The following CLSTN2 variants were observed in gnomAD, a reference collection of about 807,000 sequenced individuals.
CLSTN2 encodes the protein calsyntenin 2.
A neutral mutation model predicts 101.2 loss-of-function variants in CLSTN2; 48 were observed. The ratio of observed to expected loss-of-function variants is 0.47; its 90% CI spans 0.38 to 0.60. The LOEUF is 0.60. Among genes scored for constraint, CLSTN2 ranks in the 20% least tolerant of loss-of-function variants. The pLI is 0.00. For synonymous variants in CLSTN2, 481 were observed against 463.6 expected, an observed-to-expected ratio of 1.04 and a Z score of -0.48; for missense variants, 1,160 against 1,238.2, an observed-to-expected ratio of 0.94 and a Z score of 0.95.
intron 8 of CLSTN2, among the ~76,000 whole-genome samples, chr3:140,482,918 A>G (rs1445991967): frequency 6.6e-6 from 1 of 152,100 alleles, no homozygotes; most frequent in Non-Finnish European, 1.5e-5. Context: ...GATTTTTTGA[A>G]GAGTCTTTTT....
chr3:140,056,318 GT>G (rs1364662543), intron 1 of CLSTN2, among the ~76,000 whole-genome samples: 6 of 152,196 alleles, frequency 3.9e-5, no homozygotes, highest in African/African-American at 1.4e-4. Context: ...CTGTTTGGAT[GT>G]CAAGGACTCT....
At chr3:140,113,095 G>C (rs938599573) in intron 1 of CLSTN2, among the ~76,000 whole-genome samples, 1 of 152,118 alleles carries the variant, frequency 6.6e-6, no homozygotes, top group African/African-American at 2.4e-5. Flanking sequence ...TTTTGAGCCA[G>C]TTGTTAAACT....
chr3:140,395,056 T>A (rs1474180675), intron 2 of CLSTN2, among the ~76,000 whole-genome samples: 1 of 152,150 alleles, frequency 6.6e-6, no homozygotes, highest in African/African-American at 2.4e-5. Flanking sequence ...CAACAAATAT[T>A]GCCAAAGAAT....
chr3:139,962,656 T>A (rs1021031426), intron 1 of CLSTN2, among the ~76,000 whole-genome samples: 3 of 152,194 alleles, frequency 2.0e-5, no homozygotes, highest in Admixed American at 2.0e-4. Context: ...GATTAAGAAT[T>A]TTCTTCTTTT....
intron 2 of CLSTN2, among the ~76,000 whole-genome samples, chr3:140,394,906 A>G (rs2088162854): frequency 6.6e-6 from 1 of 151,968 alleles, no homozygotes; most frequent in Non-Finnish European, 1.5e-5. Flanking sequence ...TTGTACTTGG[A>G]CTCCTTTAAT....
At chr3:140,299,876 G>C (rs999646730) in intron 2 of CLSTN2, among the ~76,000 whole-genome samples, 1 of 152,158 alleles carries the variant, frequency 6.6e-6, no homozygotes, top group Non-Finnish European at 1.5e-5. Context: ...CTTGCACGTT[G>C]GAGCTCTCAG....
chr3:140,266,787 C>T (rs376807197), intron 2 of CLSTN2, among the ~76,000 whole-genome samples: 1 of 152,250 alleles, frequency 6.6e-6, no homozygotes, highest in Admixed American at 6.5e-5. Context: ...AATAGAGACC[C>T]AAGCCGTGGG....
chr3:140,285,632 C>T (rs1351535662), intron 2 of CLSTN2, among the ~76,000 whole-genome samples: 2 of 152,174 alleles, frequency 1.3e-5, no homozygotes, highest in African/African-American at 4.8e-5. Context: ...GCCAATTGCC[C>T]TCCCTAGGGT....
intron 9 of CLSTN2, among the ~76,000 whole-genome samples, chr3:140,542,601 T>C (rs915500797): frequency 6.6e-6 from 1 of 152,176 alleles, no homozygotes; most frequent in Non-Finnish European, 1.5e-5. Context: ...TGAGTGCAAA[T>C]ATATTTCAAA....
At chr3:140,028,816 G>A (rs998867159) in intron 1 of CLSTN2, among the ~76,000 whole-genome samples, 3 of 152,140 alleles carry the variant, frequency 2.0e-5, no homozygotes, top group African/African-American at 7.2e-5. Flanking sequence ...TAACACATAG[G>A]TCAGAAGGAC....
intron 1 of CLSTN2, among the ~76,000 whole-genome samples, chr3:140,006,445 A>T (rs1233238352): frequency 1.3e-5 from 2 of 152,210 alleles, no homozygotes; most frequent in South Asian, 2.1e-4. Flanking sequence ...GCAAATGTTC[A>T]TGGAGGCAGT....
At chr3:140,327,507 C>A (rs1212980413) in intron 2 of CLSTN2, among the ~76,000 whole-genome samples, 2 of 152,196 alleles carry the variant, frequency 1.3e-5, no homozygotes, top group African/African-American at 4.8e-5. Context: ...ACTAGCCAGA[C>A]CTTCCTCATA....
intron 2 of CLSTN2, among the ~76,000 whole-genome samples, chr3:140,256,898 T>C (rs910438724): frequency 1.3e-5 from 2 of 152,222 alleles, no homozygotes; most frequent in African/African-American, 4.8e-5. Flanking sequence ...TCCAAGCCAG[T>C]GCACACTAGG....
At chr3:140,455,439 T>C (rs1290367563) in intron 6 of CLSTN2, among the ~76,000 whole-genome samples, 1 of 152,232 alleles carries the variant, frequency 6.6e-6, no homozygotes, top group Non-Finnish European at 1.5e-5. Context: ...TTTGGGCTTT[T>C]GTATCACAGT....
At chr3:140,081,397 T>C (rs1437386039) in intron 1 of CLSTN2, among the ~76,000 whole-genome samples, 1 of 152,250 alleles carries the variant, frequency 6.6e-6, no homozygotes, top group African/African-American at 2.4e-5. Context: ...TTGTCATTAG[T>C]ATTCTGCGTG....
At chr3:140,320,810 G>A (rs992297483) in intron 2 of CLSTN2, among the ~76,000 whole-genome samples, 2 of 152,104 alleles carry the variant, frequency 1.3e-5, no homozygotes, top group African/African-American at 4.8e-5. Flanking sequence ...ACAGCCTCAA[G>A]CAGTTTCAGA....
At chr3:140,437,104 A>G (rs1364291602) in intron 5 of CLSTN2, among the ~76,000 whole-genome samples, 6 of 147,294 alleles carry the variant, frequency 4.1e-5, no homozygotes, top group Non-Finnish European at 8.9e-5. Context: ...GCTGGAGTGC[A>G]GTGGTACAAT....
At chr3:140,388,037 T>C (rs575230865) in intron 2 of CLSTN2, among the ~76,000 whole-genome samples, 1 of 152,340 alleles carries the variant, frequency 6.6e-6, no homozygotes, top group East Asian at 1.9e-4. Flanking sequence ...AGCACCACGA[T>C]TGCTTCTCAC....
intron 2 of CLSTN2, among the ~76,000 whole-genome samples, chr3:140,189,707 T>G (rs2107835652): frequency 6.6e-6 from 1 of 152,326 alleles, no homozygotes; most frequent in Non-Finnish European, 1.5e-5. Context: ...AGTAAAACAC[T>G]TTTGTATAAA....
Sources: gnomAD v4.1 joint callset for allele counts (sites outside exome capture counted in the v4.1 genomes callset) on GRCh38, gnomAD v4.1.1 for gene constraint, MANE v1.5 for transcripts, NCBI Gene and HGNC (gene_info 2026-07-23, HGNC 2026-07-21) for gene names.